Variants in RELN observed in about 807,000 individuals in gnomAD.
RELN encodes the protein reelin.
Under a neutral mutation model 427.6 loss-of-function variants are expected in RELN, and 108 were observed. That is an observed-to-expected ratio of 0.25 (90% CI 0.22 to 0.30). The LOEUF (loss-of-function observed/expected upper bound fraction) is 0.30, where lower values mean the gene tolerates loss of function less well. Ranked by LOEUF, RELN falls within the 10% of genes least tolerant of loss-of-function variation. RELN has a pLI of 1.00. For missense variants in RELN, 3,715 were observed against 4,302.8 expected, an observed-to-expected ratio of 0.86 and a Z score of 3.82; for synonymous variants, 1,524 against 1,513.4, an observed-to-expected ratio of 1.01 and a Z score of -0.16.
At chr7:103,777,402 G>C (rs951766965) in intron 3 of RELN, among the ~76,000 whole-genome samples, 1 of 152,068 alleles carries the variant, frequency 6.6e-6, no homozygotes, top group Non-Finnish European at 1.5e-5. Context: ...TAAGAAACTT[G>C]ATTTTAGAAA....
chr7:103,700,105 G>A (rs1270048030), intron 9 of RELN, among the ~76,000 whole-genome samples: 3 of 151,952 alleles, frequency 2.0e-5, no homozygotes, highest in South Asian at 2.1e-4. Flanking sequence ...GAGCTGTCAC[G>A]AAACTGATAA....
At position 103,603,722 on chromosome 7, in the gene RELN, A is replaced by C. The variant is rs1831734965; in HGVS notation, c.3147-232T>G. Among the ~76,000 whole-genome samples the C allele has an allele frequency of 6.6e-6, 1 of 152,186 alleles. No homozygotes were observed. Among genetic ancestry groups the C allele is most frequent in the South Asian group, 2.1e-4 (1 of 4,832 alleles). On this transcript the variant is annotated intron_variant, in intron 23 of 64. Coordinates refer to ENST00000428762, the MANE Select transcript of RELN (RefSeq NM_005045.4). This position sits in a 1 kb window ranked among gnomAD's most constrained non-coding sequence, Gnocchi z 4.3. ...AAAGAAATAATGCTGTAAGGGTAGA[A>C]TTTGGGCATCAAGTATTTACGAAGG...
chr7:103,482,612 C>A (rs1399857710), intron 63 of RELN, among the ~76,000 whole-genome samples: 10 of 152,136 alleles, frequency 6.6e-5, no homozygotes, highest in Non-Finnish European at 1.5e-4. Flanking sequence ...TTGTTTTATC[C>A]AATTTAACCA....
At position 103,519,442 on chromosome 7, in the gene RELN, A is replaced by G. The variant is rs1316095724; in HGVS notation, c.7743T>C (p.Tyr2581=). The change falls in exon 49 of 65, where the codon TAT becomes TAC. Residue 2581 remains tyrosine (Y), a synonymous_variant. Transcript: ENST00000428762. ...NAEFIQFYFM[Y]GCLITPNNRN... The stretch of plus-strand genomic sequence containing the variant: ...GGTTGTTTGGTGTAATCAGGCACCC[A>G]TACATGAAGTAAAATTGGATGAACT... The G allele has an allele frequency of 6.2e-7, 1 of 1,613,622 alleles. No individual in the cohort carries two copies. The highest frequency in any genetic ancestry group is 1.3e-5 in the African/African-American group (1 of 74,922).
At chr7:103,696,236 A>G (rs1477314174) in intron 10 of RELN, among the ~76,000 whole-genome samples, 1 of 152,062 alleles carries the variant, frequency 6.6e-6, no homozygotes, top group African/African-American at 2.4e-5. Flanking sequence ...TTTTATTTTC[A>G]TATGTTGGAA....
chr7:103,722,901 AT>A (rs962707310), intron 8 of RELN, among the ~76,000 whole-genome samples: 1 of 152,182 alleles, frequency 6.6e-6, no homozygotes, highest in Non-Finnish European at 1.5e-5. Context: ...TCATCTTAAG[AT>A]TTTTTTGAAT....
At chr7:103,491,232 A>G (rs370661791) in intron 58 of RELN, among the ~76,000 whole-genome samples, 1 of 152,338 alleles carries the variant, frequency 6.6e-6, no homozygotes, top group East Asian at 1.9e-4. Context: ...CTTTTATTCA[A>G]TACTGTTAAT....
intron 2 of RELN, among the ~76,000 whole-genome samples, chr7:103,893,013 A>G (rs1794883166): frequency 6.6e-6 from 1 of 152,200 alleles, no homozygotes; most frequent in Non-Finnish European, 1.5e-5. Context: ...TCATGTAGAA[A>G]GGGTCTTCAA....
chr7:103,659,538 A>G (rs970780922), intron 12 of RELN, among the ~76,000 whole-genome samples: 1 of 152,030 alleles, frequency 6.6e-6, no homozygotes, highest in Non-Finnish European at 1.5e-5. Context: ...CTTAGCTTGG[A>G]ATTCTCTTCC....
At chr7:103,572,077 G>T in intron 31 of RELN, 107 bp downstream of exon 31, 1 of 730,660 alleles carries the variant, frequency 1.4e-6, no homozygotes, top group South Asian at 1.4e-5. Context: ...GAGAAGGAAT[G>T]ATTCAGGGTA....
intron 43 of RELN, among the ~76,000 whole-genome samples, chr7:103,540,985 C>G (rs1830165929): frequency 6.6e-6 from 1 of 152,186 alleles, no homozygotes; most frequent in Admixed American, 6.5e-5. Flanking sequence ...CCAGTTGTAG[C>G]ACCTCTTTGT....
At position 103,519,364 on chromosome 7, in the gene RELN, G is replaced by C. The variant is rs772869992; in HGVS notation, c.7821C>G (p.Asn2607Lys). The C allele has an allele frequency of 1.9e-6, 3 of 1,614,052 alleles. No homozygotes were observed. Among genetic ancestry groups the C allele is most frequent in the Admixed American group, 1.7e-5 (1 of 60,012 alleles). The change falls in exon 49 of 65, where the codon AAC becomes AAG. Residue 2607 changes from asparagine (N) to lysine (K), a missense_variant. By Grantham distance (94) the Asn-to-Lys change is moderately conservative (BLOSUM62 0). Around this residue, in one of 4 missense-constraint regions of RELN, gnomAD observed 1,310 missense variants for 1,643.0 expected, o/e 0.80. Transcript: ENST00000428762. ...GGTCATAGAAAATCTCCATGAGCAG[G>C]TTCCAGGTAATGCCTCCATTGACAG... is the stretch of plus-strand genomic sequence containing the variant. ...EYSVNGGITWNLLMEIFYDQY... is the reference protein window; with the variant it reads ...EYSVNGGITWKLLMEIFYDQY...
At chr7:103,969,093 G>T (rs1440378126) in intron 1 of RELN, among the ~76,000 whole-genome samples, 3 of 151,960 alleles carry the variant, frequency 2.0e-5, no homozygotes, top group Non-Finnish European at 4.4e-5. Context: ...CACATCTGGT[G>T]TGAATATTCC....
At chr7:103,735,143 C>A (rs1464377502) in intron 6 of RELN, among the ~76,000 whole-genome samples, 4 of 151,982 alleles carry the variant, frequency 2.6e-5, no homozygotes, top group Admixed American at 2.0e-4. Context: ...AGGATCAAAC[C>A]ATAAACATAA....
intron 46 of RELN, among the ~76,000 whole-genome samples, chr7:103,524,976 C>A (rs747341618): frequency 6.6e-6 from 1 of 152,146 alleles, no homozygotes; most frequent in Non-Finnish European, 1.5e-5. Context: ...TGATATCCGC[C>A]TGAACCTGGG....
At chr7:103,595,594 A>T (rs1318012570) in intron 25 of RELN, among the ~76,000 whole-genome samples, 3 of 152,200 alleles carry the variant, frequency 2.0e-5, no homozygotes, top group African/African-American at 4.8e-5. Flanking sequence ...AACTGGGTTT[A>T]TATAGTCTTA....
chr7:103,909,355 C>T (rs2116646017), intron 2 of RELN, among the ~76,000 whole-genome samples: 1 of 151,710 alleles, frequency 6.6e-6, no homozygotes, highest in Admixed American at 6.6e-5. Flanking sequence ...AAAAATAAAA[C>T]AAAATAGTAA....
rs1285931775 is a variant in RELN at position 103,626,288 on chromosome 7, C to T, written c.2702+3652G>A. Among the ~76,000 whole-genome samples, 1 of 152,050 alleles carries T rather than the reference C, an allele frequency of 6.6e-6. No homozygotes were observed. Among genetic ancestry groups the T allele is most frequent in the Non-Finnish European group, 1.5e-5 (1 of 67,958 alleles). ...CCTCAAAGCCTATGTTTCTACCACA[C>T]CATATTTCCTAAAAACAATTGCCAA... On this transcript the variant is annotated intron_variant, in intron 20 of 64. Coordinates refer to ENST00000428762, the MANE Select transcript of RELN (RefSeq NM_005045.4). The surrounding 1 kb of genome is among the most constrained non-coding windows in gnomAD (Gnocchi z 4.4).
rs534923262 is a variant in RELN, at chr7:103,591,095, G to A, written c.3913-1267C>T. ...AGACAGTTTATTTCCAAATAAATGT[G>A]TAAATGAATTTTATTACACTTTTCA... On this transcript the variant is annotated intron_variant, in intron 27 of 64. Transcript: ENST00000428762. 5.1e-4 allele frequency among the ~76,000 whole-genome samples: 77 copies of A among 152,296 alleles called. 1 individual carries two copies. The highest frequency in any genetic ancestry group is 1.4e-3 in the African/African-American group (59 of 41,564).
Sources: gnomAD v4.1 joint callset for allele counts (sites outside exome capture counted in the v4.1 genomes callset) on GRCh38, gnomAD v4.1.1 for gene constraint, gnomAD v4.1.1 regional missense constraint, Gnocchi (gnomAD v3.1) non-coding constraint, MANE v1.5 for transcripts, NCBI Gene and HGNC (gene_info 2026-07-23, HGNC 2026-07-21) for gene names.